PKP3: variants seen among roughly 807,000 people sequenced by gnomAD.
The protein encoded by PKP3 is plakophilin 3, also known as plakophilin-3.
Under a neutral mutation model 76.5 loss-of-function variants are expected in PKP3, and 66 were observed. That is an observed-to-expected ratio of 0.86 (90% CI 0.71 to 1.06). The LOEUF is 1.06. PKP3 is among the 50% of genes least tolerant of loss of function. The pLI is 0.00. For synonymous variants in PKP3, 638 were observed against 516.5 expected (o/e 1.24, Z -3.19); for missense variants, 1,338 against 1,141.0 (o/e 1.17, Z -2.49).
Position 404,451 on chromosome 11 carries a change from C to G in PKP3, c.2359-83C>G, listed in dbSNP as rs774001243. On this transcript the variant is annotated intron_variant, in intron 12 of 12. Transcript: ENST00000331563. This position sits in a 1 kb window ranked among gnomAD's most constrained non-coding sequence, Gnocchi z 4.2. ...CCAGAGAGGAAGGGTCCGGGCCACA[C>G]CCAGCACACTGCAGGAGGGACAGCG... 2 of 1,522,228 alleles carry G rather than the reference C, an allele frequency of 1.3e-6. No individual in the cohort carries two copies. Among genetic ancestry groups the G allele is most frequent in the Admixed American group, 3.3e-5 (2 of 59,854 alleles). 94.3% of individuals were successfully genotyped at this position (1,522,228 alleles called of 1,614,324 possible).
intron 9 of PKP3, 62 bp from the exon 10 acceptor site, chr11:403,556 G>A: frequency 1.3e-6 from 2 of 1,516,614 alleles, no homozygotes; most frequent in Non-Finnish European, 1.8e-6. Context: ...CATTGTGGCA[G>A]GACCCCCTCA....
Position 399,195 on chromosome 11 carries a change from A to C in PKP3, c.1272A>C (p.Thr424=). Residue 424 remains threonine (T), a splice_region_variant and synonymous_variant, in exon 5 of 13, where the codon ACA becomes ACC. Transcript: ENST00000331563. ...EQDDELRKNV[T]GILWNLSSSD... ...ATGATGAGCTTCGCAAAAATGTCAC[A>C]GGTGCTGCCTGTCCCCTCCTCCACC... 1 of 1,574,198 alleles carries C rather than the reference A, an allele frequency of 6.4e-7. No homozygotes were observed. Among genetic ancestry groups the C allele is most frequent in the Non-Finnish European group, 8.6e-7 (1 of 1,158,740 alleles).
rs770075693 is a variant in PKP3 at position 404,840 on chromosome 11, G to C, written c.*271G>C. 4.5e-5 allele frequency: 24 copies of C among 528,754 alleles called. No homozygotes were observed. The highest frequency in any genetic ancestry group is 7.5e-5 in the Non-Finnish European group (22 of 291,852). The allele number at this position is 528,754 out of a possible 1,614,324, so 32.8% of individuals were successfully genotyped here. On this transcript the variant is annotated 3_prime_UTR_variant, in exon 13 of 13. Transcript: ENST00000331563. This position sits in a 1 kb window ranked among gnomAD's most constrained non-coding sequence, Gnocchi z 4.2. ...GACCCAGTCACATTGGCAGAGGTGG[G>C]GGTTGGCTGTGGCCTGGCAGTATCT...
chr11:395,434 C>G (rs564836487), intron 1 of PKP3, among the ~76,000 whole-genome samples: 1 of 152,208 alleles, frequency 6.6e-6, no homozygotes, highest in Non-Finnish European at 1.5e-5. Context: ...GTGGGGTCCT[C>G]CCTCCAGGGG....
At chr11:394,146 T>C, upstream of PKP3, 1 of 1,264,132 alleles carries the variant, frequency 7.9e-7, no homozygotes, top group Non-Finnish European at 1.0e-6. Flanking sequence ...CCAGCTGCGC[T>C]CAGGGCTGGG....
intron 1 of PKP3, among the ~76,000 whole-genome samples, chr11:395,299 C>T (rs897597457): frequency 6.6e-6 from 1 of 152,198 alleles, no homozygotes; most frequent in African/African-American, 2.4e-5. Context: ...TGCCAGGGAC[C>T]CAGATGCCAG....
At chr11:398,049 C>T (rs1178198250) in intron 4 of PKP3, among the ~76,000 whole-genome samples, 6 of 98,040 alleles carry the variant, frequency 6.1e-5, no homozygotes, top group African/African-American at 1.4e-4. Flanking sequence ...CCCCCGCACA[C>T]ACCTGCGTCA....
rs1200837484 is a variant in PKP3, at chr11:396,925, GC to G, written c.426del (p.Phe143LeufsTer121). ...GAGTTCAGCCCACAACGGGGGCAGC[GC>G]CTTTGGGGCCGCTGGGTACGGGGGT... ...RLSSAHNGGS[A>X]FGAAGYGGAQ... On this transcript the variant is annotated frameshift_variant, in exon 3 of 13. Transcript: ENST00000331563. LOFTEE classifies it high-confidence loss of function. The G allele has an allele frequency of 6.3e-7, 1 of 1,594,960 alleles. No individual in the cohort carries two copies. Among genetic ancestry groups the G allele is most frequent in the African/African-American group, 1.3e-5 (1 of 74,676 alleles).
rs767678508 is a variant in PKP3 at position 396,690 on chromosome 11, G to A, written c.312+3G>A. ...GCCTGAGTGGGGACAAGACCTCGGTGAGCGATGGGCCCAGCCCGAGGGGGA... is the reference window on the plus strand; with the variant it reads ...GCCTGAGTGGGGACAAGACCTCGGTAAGCGATGGGCCCAGCCCGAGGGGGA... On this transcript the variant is annotated splice_donor_region_variant and intron_variant, in intron 2 of 12. Transcript: ENST00000331563. 1.9e-6 allele frequency: 3 copies of A among 1,609,124 alleles called. No homozygotes were observed. Among genetic ancestry groups the A allele is most frequent in the Middle Eastern group, 1.7e-4 (1 of 6,002 alleles).
chr11:399,215 T>G lies in PKP3; in HGVS notation c.1273+19T>G. Reference sequence around the variant, plus strand: ...GTCACAGGTGCTGCCTGTCCCCTCCTCCACCTGTCCTTCCTCCACCTGCGC... The same window carrying G: ...GTCACAGGTGCTGCCTGTCCCCTCCGCCACCTGTCCTTCCTCCACCTGCGC... On this transcript the variant is annotated intron_variant, in intron 5 of 12. Coordinates refer to ENST00000331563, the MANE Select transcript of PKP3 (RefSeq NM_007183.4). 3 of 1,504,626 alleles carry G rather than the reference T, an allele frequency of 2.0e-6. No individual in the cohort carries two copies. The highest frequency in any genetic ancestry group is 2.7e-6 in the Non-Finnish European group (3 of 1,114,896). The allele number at this position is 1,504,626 out of a possible 1,614,324, so 93.2% of individuals were successfully genotyped here.
Position 400,050 on chromosome 11 carries a change from T to TTGAGCCC in PKP3, c.1358_1364dup (p.Leu456GlufsTer234). On this transcript the variant is annotated frameshift_variant, in exon 6 of 13. Transcript: ENST00000331563. LOFTEE classifies it high-confidence loss of function. Reference sequence around the variant, plus strand: ...GCTGGAGCAGCTCACAGACCTGGTGTTGAGCCCCCTGTCGGGGGCTGGGGG... The same window carrying TTGAGCCC: ...GCTGGAGCAGCTCACAGACCTGGTGTTGAGCCCTGAGCCCCCTGTCGGGGGCTGGGGG... The TTGAGCCC allele has an allele frequency of 6.2e-7, 1 of 1,606,080 alleles. No homozygotes were observed. The highest frequency in any genetic ancestry group is 1.1e-5 in the South Asian group (1 of 90,260).
upstream of PKP3, chr11:394,133 C>T: frequency 2.5e-6 from 3 of 1,180,656 alleles, no homozygotes; most frequent in Non-Finnish European, 3.3e-6. Context: ...GGTGTCCCCG[C>T]CCCCAGCTGC....
upstream of PKP3, chr11:394,134 C>G (rs966025510): frequency 5.9e-6 from 7 of 1,193,294 alleles, no homozygotes; most frequent in Non-Finnish European, 7.6e-6. Flanking sequence ...GTGTCCCCGC[C>G]CCCAGCTGCG....
chr11:403,938 C>G lies in PKP3; in HGVS notation c.2078-5C>G. ...GGGTGCAGACTGACCCCCGGCCTCC[C>G]ACAGCCACGAAGGTGGTGAGCCACC... On this transcript the variant is annotated splice_polypyrimidine_tract_variant and splice_region_variant and intron_variant, in intron 10 of 12. Transcript: ENST00000331563. 6.3e-7 allele frequency: 1 copy of G among 1,592,016 alleles called. No individual in the cohort carries two copies. Among genetic ancestry groups the G allele is most frequent in the Non-Finnish European group, 8.6e-7 (1 of 1,167,242 alleles).
chr11:404,259 G>T lies in PKP3; in HGVS notation c.2294G>T (p.Arg765Leu). 6.2e-7 allele frequency: 1 copy of T among 1,612,626 alleles called. No individual in the cohort carries two copies. The highest frequency in any genetic ancestry group is 8.5e-7 in the Non-Finnish European group (1 of 1,179,874). ...AGCCCCGACAGTGAGAAGTCCTCCC[G>T]GGCAGCATCCAGCCTCCTGGCCAAC... ...RDSPDSEKSS[R>L]AASSLLANLW... Residue 765 changes from arginine to leucine, a missense_variant, in exon 12 of 13, where the codon CGG becomes CTG. Coordinates refer to ENST00000331563, the MANE Select transcript of PKP3 (RefSeq NM_007183.4). This position sits in a 1 kb window ranked among gnomAD's most constrained non-coding sequence, Gnocchi z 4.2.
rs776278801 is a variant in PKP3 at position 403,786 on chromosome 11, C to T, written c.2077+15C>T. ...GGACGAGATGTGTGAGTCGGGCAGCCCCTCGTCCCTGCCCTGCTGGACCCA... is the reference window on the plus strand; with the variant it reads ...GGACGAGATGTGTGAGTCGGGCAGCTCCTCGTCCCTGCCCTGCTGGACCCA... On this transcript the variant is annotated intron_variant, in intron 10 of 12. Transcript: ENST00000331563. The T allele has an allele frequency of 1.2e-6, 2 of 1,603,772 alleles. No homozygotes were observed. The highest frequency in any genetic ancestry group is 3.3e-5 in the Admixed American group (2 of 60,014).
Position 404,360 on chromosome 11 carries a change from G to A in PKP3, c.2358+37G>A, listed in dbSNP as rs758687789. ...GAGCCCAGGGCAAGCAGGGACCCGG[G>A]TGCAGGGCATGGGACGCCGGGGGAG... On this transcript the variant is annotated intron_variant, in intron 12 of 12. Coordinates refer to ENST00000331563, the MANE Select transcript of PKP3 (RefSeq NM_007183.4). This position sits in a 1 kb window ranked among gnomAD's most constrained non-coding sequence, Gnocchi z 4.2. 6.3e-7 allele frequency: 1 copy of A among 1,577,492 alleles called. No individual in the cohort carries two copies. The highest frequency in any genetic ancestry group is 8.7e-7 in the Non-Finnish European group (1 of 1,147,980).
At position 396,735 on chromosome 11, in the gene PKP3, T is replaced by G. The variant is rs114362421; in HGVS notation, c.312+48T>G. 1.2e-3 allele frequency: 1,937 copies of G among 1,584,890 alleles called. 27 individuals carry two copies. The African/African-American group carries it at 0.023, about 19-fold the overall frequency. On this transcript the variant is annotated intron_variant, in intron 2 of 12. Coordinates refer to ENST00000331563, the MANE Select transcript of PKP3 (RefSeq NM_007183.4). ...GGGGGACGATCTGAGCTCTGCAGTC[T>G]GGAGAGTGGGAGGCTCTGCAGCGGG... is the stretch of plus-strand genomic sequence containing the variant.
At position 400,063 on chromosome 11, in the gene PKP3, C is replaced by G. The variant is rs779832282; in HGVS notation, c.1370C>G (p.Ser457Trp). 2.5e-6 allele frequency: 4 copies of G among 1,602,896 alleles called. No homozygotes were observed. The South Asian group carries it at 4.4e-5, about 18-fold the overall frequency. Residue 457 changes from serine (S) to tryptophan (W), a missense_variant, in exon 6 of 13, where the codon TCG (serine) becomes TGG (tryptophan). By Grantham distance (177) the Ser-to-Trp change is radical. Transcript: ENST00000331563. ...ACAGACCTGGTGTTGAGCCCCCTGT[C>G]GGGGGCTGGGGGTCCCCCCCTCATC... ...QLTDLVLSPL[S>W]GAGGPPLIQQ...
Sources: gnomAD v4.1 joint callset for allele counts (sites outside exome capture counted in the v4.1 genomes callset) on GRCh38, gnomAD v4.1.1 for gene constraint, Gnocchi (gnomAD v3.1) non-coding constraint, MANE v1.5 for transcripts, NCBI Gene and HGNC (gene_info 2026-07-23, HGNC 2026-07-21) for gene names.